Variants in AOPEP observed in about 807,000 individuals in gnomAD.
AOPEP encodes the protein aminopeptidase O.
Under a neutral mutation model 98.1 loss-of-function variants are expected in AOPEP, and 77 were observed. The ratio of observed to expected loss-of-function variants is 0.78; its 90% CI spans 0.65 to 0.95. The LOEUF (loss-of-function observed/expected upper bound fraction) is 0.95. Among genes scored for constraint, AOPEP ranks in the 40% least tolerant of loss-of-function variants. The pLI is 0.00. For synonymous variants in AOPEP, 346 were observed against 365.3 expected (o/e 0.95, Z 0.60); for missense variants, 1,024 against 1,024.7 (o/e 1.00, Z 0.01).
intron 5 of AOPEP, among the ~76,000 whole-genome samples, chr9:94,860,276 G>A (rs1233474993): frequency 6.6e-6 from 1 of 152,166 alleles, no homozygotes; most frequent in African/African-American, 2.4e-5. Flanking sequence ...TGACCTATGG[G>A]AAGATTGGCG....
At chr9:95,115,637 G>A in the AOPEP span, among the ~76,000 whole-genome samples, 1 of 152,198 alleles carries the variant, frequency 6.6e-6, no homozygotes, top group African/African-American at 2.4e-5. Context: ...TGCAGCATCT[G>A]CAAAAGTTTT....
At chr9:94,777,649 T>TTTTG (rs1842440374) in intron 3 of AOPEP, among the ~76,000 whole-genome samples, 1 of 137,460 alleles carries the variant, frequency 7.3e-6, no homozygotes, top group East Asian at 2.1e-4. Flanking sequence ...TTTTTTTTTT[T>TTTTG]TTGAGACAGT....
chr9:94,746,045 T>C (rs1242163880), intron 1 of AOPEP, among the ~76,000 whole-genome samples: 6 of 152,222 alleles, frequency 3.9e-5, no homozygotes, highest in Admixed American at 3.9e-4. Flanking sequence ...TTATTGCCTC[T>C]TTCATTGAAC....
chr9:95,138,905 T>C, the AOPEP span, among the ~76,000 whole-genome samples: 1 of 152,238 alleles, frequency 6.6e-6, no homozygotes, highest in Non-Finnish European at 1.5e-5. Flanking sequence ...GCTGTCTTTT[T>C]ATTAGAGCCT....
intron 10 of AOPEP, among the ~76,000 whole-genome samples, chr9:94,975,124 G>A (rs1036259683): frequency 2.0e-5 from 3 of 152,068 alleles, no homozygotes; most frequent in African/African-American, 4.8e-5. Context: ...CCGGTTACTC[G>A]GAAGGCTGAG....
intron 3 of AOPEP, among the ~76,000 whole-genome samples, chr9:94,781,973 C>G (rs1588179515): frequency 6.6e-6 from 1 of 150,978 alleles, no homozygotes. Flanking sequence ...GGGCGGATCA[C>G]GAGGTCAGGA....
intron 13 of AOPEP, among the ~76,000 whole-genome samples, chr9:95,025,534 G>A (rs1467348112): frequency 1.3e-5 from 2 of 152,220 alleles, no homozygotes; most frequent in African/African-American, 4.8e-5. Flanking sequence ...CTTGGCAAAA[G>A]TTAATTCATC....
At chr9:95,035,980 C>CT (rs1224946837) in intron 13 of AOPEP, among the ~76,000 whole-genome samples, 1 of 152,170 alleles carries the variant, frequency 6.6e-6, no homozygotes, top group Admixed American at 6.5e-5. Context: ...AGGGTGGTGA[C>CT]TGTAGACCCC....
chr9:94,841,968 A>T (rs2042322958), intron 5 of AOPEP, among the ~76,000 whole-genome samples: 1 of 152,056 alleles, frequency 6.6e-6, no homozygotes, highest in African/African-American at 2.4e-5. Context: ...TGAGAGGATC[A>T]CTTGAGCCTA....
At chr9:95,037,879 G>A (rs2064964356) in intron 13 of AOPEP, among the ~76,000 whole-genome samples, 1 of 152,198 alleles carries the variant, frequency 6.6e-6, no homozygotes, top group Admixed American at 6.5e-5. Context: ...CAGTGATCTT[G>A]ACCGGCTTTC....
chr9:95,083,558 CCACACACAGCGCATGCACAACACAGAG>C (rs1238099461), intron 16 of AOPEP, among the ~76,000 whole-genome samples: 4 of 146,876 alleles, frequency 2.7e-5, no homozygotes, highest in African/African-American at 1.0e-4. Flanking sequence ...GGCACACACA[CCACACACAGCGCATGCACAACACAGAG>C]CACACACAGC....
chr9:95,075,728 T>TA (rs58379982), intron 14 of AOPEP, among the ~76,000 whole-genome samples: 7 of 151,470 alleles, frequency 4.6e-5, no homozygotes, highest in East Asian at 1.9e-4. Flanking sequence ...AAAAAGTAAT[T>TA]AAAAAAAAAT....
intron 14 of AOPEP, among the ~76,000 whole-genome samples, chr9:95,072,626 CTG>C (rs1310136504): frequency 6.6e-6 from 1 of 152,056 alleles, no homozygotes; most frequent in Non-Finnish European, 1.5e-5. Flanking sequence ...GAGTGAGACT[CTG>C]TCTTAAAAAA....
chr9:94,914,558 G>GTGTA (rs1554767262), intron 5 of AOPEP, among the ~76,000 whole-genome samples: 2 of 151,818 alleles, frequency 1.3e-5, no homozygotes, highest in Admixed American at 6.6e-5. Context: ...GTGTGTGTGT[G>GTGTA]TGTATGTACA....
rs761136803 is a variant in AOPEP at position 95,082,740 on chromosome 9, T to C, written c.*4+21T>C. 5 of 1,613,544 alleles carry C rather than the reference T, an allele frequency of 3.1e-6. No individual in the cohort carries two copies. In the South Asian group the frequency reaches 5.5e-5, roughly 18 times the overall value. ...ACGAGGTGATTCTCTCCCTTTCCTT[T>C]CTGTCATTTAGTTCTAACCAGATAC... On this transcript the variant is annotated intron_variant, in intron 16 of 16. Coordinates refer to ENST00000375315, the MANE Select transcript of AOPEP (RefSeq NM_001193329.3).
chr9:95,000,935 G>C (rs771649768), intron 11 of AOPEP, among the ~76,000 whole-genome samples: 1 of 152,022 alleles, frequency 6.6e-6, no homozygotes, highest in African/African-American at 2.4e-5. Flanking sequence ...AAGATCTTTC[G>C]GTTTCTTTTA....
At chr9:94,985,369 G>A (rs1394444382) in intron 11 of AOPEP, among the ~76,000 whole-genome samples, 2 of 152,214 alleles carry the variant, frequency 1.3e-5, no homozygotes, top group Non-Finnish European at 2.9e-5. Context: ...GGAAAATGCT[G>A]CAATCACAGA....
chr9:94,759,837 C>T lies in AOPEP; in HGVS notation c.54C>T (p.Thr18=). ...ATGACCTGCCTCTCATGGCCAACAC[C>T]AGCCACATACTTGTGAAGCACTATG... The part of the protein sequence containing the change: ...ARDDLPLMAN[T]SHILVKHYVL... The change falls in exon 2 of 17, where the codon ACC becomes ACT. Residue 18 remains threonine (T), a synonymous_variant. Transcript: ENST00000375315. 6.2e-7 allele frequency: 1 copy of T among 1,614,144 alleles called. No individual in the cohort carries two copies. Among genetic ancestry groups the T allele is most frequent in the South Asian group, 1.1e-5 (1 of 91,074 alleles).
chr9:95,029,634 CCTT>C (rs1248042066), intron 13 of AOPEP, among the ~76,000 whole-genome samples: 1 of 152,116 alleles, frequency 6.6e-6, no homozygotes, highest in East Asian at 1.9e-4. Flanking sequence ...TATTTGTTGT[CCTT>C]CTTTCATTTG....
Sources: allele counts gnomAD v4.1 joint callset (sites outside exome capture counted in the v4.1 genomes callset), GRCh38; gene constraint gnomAD v4.1.1; transcripts MANE v1.5; gene names NCBI Gene and HGNC (gene_info 2026-07-23, HGNC 2026-07-21).